The following RPTOR variants were observed in gnomAD, a reference collection of about 807,000 sequenced individuals.
The protein encoded by RPTOR is regulatory associated protein of MTOR complex 1, also known as regulatory-associated protein of mTOR.
Under a neutral mutation model 169.9 loss-of-function variants are expected in RPTOR, and 21 were observed. That is an observed-to-expected ratio of 0.12 (90% CI 0.09 to 0.18). The LOEUF (loss-of-function observed/expected upper bound fraction) is 0.18. Among genes scored for constraint, RPTOR ranks in the 10% least tolerant of loss-of-function variants. The probability of loss-of-function intolerance (pLI) is 1.00; values close to 1 mark genes in which losing one functional copy is unlikely to be tolerated. For missense variants in RPTOR, 1,133 were observed against 1,855.9 expected (o/e 0.61, Z 7.16); for synonymous variants, 732 against 753.2 (o/e 0.97, Z 0.46).
intron 1 of RPTOR, among the ~76,000 whole-genome samples, chr17:80,579,250 A>G (rs924998830): frequency 2.6e-5 from 4 of 151,842 alleles, no homozygotes; most frequent in Admixed American, 2.0e-4. Flanking sequence ...CTGGAGTGCA[A>G]TGGTGCGATC....
At chr17:80,911,020 G>A (rs1038625770) in intron 21 of RPTOR, among the ~76,000 whole-genome samples, 27 of 151,780 alleles carry the variant, frequency 1.8e-4, no homozygotes, top group Admixed American at 4.6e-4. Context: ...TAGGAGAGAC[G>A]AGGGGTTTCA....
intron 3 of RPTOR, among the ~76,000 whole-genome samples, chr17:80,693,348 G>T (rs1325861247): frequency 6.6e-6 from 1 of 152,242 alleles, no homozygotes; most frequent in Non-Finnish European, 1.5e-5. Context: ...TCCCAGCGGA[G>T]ATGGTGTTTC....
At chr17:80,921,973 G>A (rs1452354043) in intron 21 of RPTOR, among the ~76,000 whole-genome samples, 1 of 152,208 alleles carries the variant, frequency 6.6e-6, no homozygotes, top group East Asian at 1.9e-4. Flanking sequence ...AGGATGTTAA[G>A]GGCGGTCTTG....
intron 9 of RPTOR, among the ~76,000 whole-genome samples, chr17:80,830,079 G>C (rs796142985): frequency 6.6e-6 from 1 of 152,148 alleles, no homozygotes; most frequent in African/African-American, 2.4e-5. Context: ...CTAGATCCTC[G>C]TAGGAGAAGA....
At chr17:80,757,745 G>A (rs770381836) in intron 6 of RPTOR, among the ~76,000 whole-genome samples, 2 of 152,018 alleles carry the variant, frequency 1.3e-5, no homozygotes, top group Non-Finnish European at 2.9e-5. Flanking sequence ...CTGAAGAGAC[G>A]GTCTTTTGGG....
intron 13 of RPTOR, among the ~76,000 whole-genome samples, chr17:80,879,046 G>A (rs914189733): frequency 2.0e-5 from 3 of 152,048 alleles, no homozygotes; most frequent in African/African-American, 7.2e-5. Context: ...TCTCATCTTA[G>A]AAGCCTGGCT....
chr17:80,922,838 C>T lies in RPTOR; in HGVS notation c.2624+11C>T, dbSNP rs924244620. Reference sequence around the variant, plus strand: ...CATCCACCAGGCGGGGTAAGTGCCGCCCGCTCAGCCTGCAGGTCCGTGGTG... The same window carrying T: ...CATCCACCAGGCGGGGTAAGTGCCGTCCGCTCAGCCTGCAGGTCCGTGGTG... On this transcript the variant is annotated intron_variant, in intron 22 of 33. Transcript: ENST00000306801. The T allele has an allele frequency of 2.6e-6, 4 of 1,547,094 alleles. No individual in the cohort carries two copies. Among genetic ancestry groups the T allele is most frequent in the Non-Finnish European group, 2.6e-6 (3 of 1,151,474 alleles).
intron 20 of RPTOR, among the ~76,000 whole-genome samples, chr17:80,895,745 G>C (rs577913881): frequency 3.9e-5 from 6 of 152,142 alleles, no homozygotes; most frequent in African/African-American, 9.7e-5. Flanking sequence ...CCCCCATCTC[G>C]CCACTCTCTA....
At chr17:80,918,671 C>T (rs1338501894) in intron 21 of RPTOR, among the ~76,000 whole-genome samples, 1 of 152,194 alleles carries the variant, frequency 6.6e-6, no homozygotes, top group African/African-American at 2.4e-5. Flanking sequence ...CCAGTGACTT[C>T]ATGCCTCTCA....
rs745996518 is a variant in RPTOR at position 80,710,567 on chromosome 17, TTGTATGTG to T, written c.507+2572_507+2579del. ...ATGTTGATTTGCCTCCCTTGGTTAT[TTGTATGTG>T]TGTGTGTGTGTGTGTGTGTGTGTGT... is the stretch of plus-strand genomic sequence containing the variant. On this transcript the variant is annotated intron_variant, in intron 4 of 33. Coordinates refer to ENST00000306801, the MANE Select transcript of RPTOR (RefSeq NM_020761.3). Among the ~76,000 whole-genome samples the T allele has an allele frequency of 1.3e-3, 148 of 110,652 alleles. 1 individual carries two copies. The highest frequency in any genetic ancestry group is 3.5e-3 in the Admixed American group (34 of 9,792). 72.6% of individuals were successfully genotyped at this position (110,652 alleles called of 152,430 possible).
chr17:80,561,397 C>T (rs1057444706), intron 1 of RPTOR, among the ~76,000 whole-genome samples: 9 of 150,978 alleles, frequency 6.0e-5, no homozygotes, highest in East Asian at 1.9e-4. Context: ...GCATGAGCCA[C>T]GCACCCAGCC....
At chr17:80,680,188 C>T (rs1481935741) in intron 3 of RPTOR, among the ~76,000 whole-genome samples, 1 of 152,254 alleles carries the variant, frequency 6.6e-6, no homozygotes, top group Non-Finnish European at 1.5e-5. Flanking sequence ...GAACTCCAGC[C>T]CTGCACCTCA....
intron 17 of RPTOR, among the ~76,000 whole-genome samples, chr17:80,889,950 CGGCCTCCG>C (rs2068298279): frequency 1.2e-5 from 1 of 86,380 alleles, no homozygotes; most frequent in African/African-American, 3.6e-5. Context: ...GCAGGATGTG[CGGCCTCCG>C]AGGGAGGCCC....
chr17:80,753,587 C>T (rs923759568), intron 5 of RPTOR, among the ~76,000 whole-genome samples: 2 of 144,428 alleles, frequency 1.4e-5, no homozygotes, highest in South Asian at 2.2e-4. Flanking sequence ...GAGTCGAGAT[C>T]GCGCCACTGC....
Position 80,806,944 on chromosome 17 carries a change from C to T in RPTOR, c.891-15257C>T, listed in dbSNP as rs989715619. Among the ~76,000 whole-genome samples the T allele has an allele frequency of 3.3e-5, 5 of 152,182 alleles. No individual in the cohort carries two copies. In the South Asian group the frequency reaches 1.0e-3, roughly 32 times the overall value. On this transcript the variant is annotated intron_variant, in intron 7 of 33. Coordinates refer to ENST00000306801, the MANE Select transcript of RPTOR (RefSeq NM_020761.3). ...TCCCTTTTGACCACATGCATTAACC[C>T]TCAGAACTGAAGAAGGCCAGATTAA... is the stretch of plus-strand genomic sequence containing the variant.
At chr17:80,755,387 G>T (rs187211022) in intron 6 of RPTOR, among the ~76,000 whole-genome samples, 2 of 152,002 alleles carry the variant, frequency 1.3e-5, no homozygotes, top group African/African-American at 2.4e-5. Context: ...GATCCCTTGA[G>T]CGCGGGAGTT....
intron 1 of RPTOR, among the ~76,000 whole-genome samples, chr17:80,601,263 A>G (rs996718005): frequency 6.9e-5 from 1 of 14,592 alleles, no homozygotes; most frequent in Non-Finnish European, 1.7e-4. Flanking sequence ...GAGGACCCGG[A>G]CATTGTGGAG....
intron 11 of RPTOR, 68 bp downstream of exon 11, chr17:80,846,642 C>A: frequency 7.7e-7 from 1 of 1,300,896 alleles, no homozygotes; most frequent in Non-Finnish European, 1.1e-6. Flanking sequence ...CCTGTACAGC[C>A]CCGGGAGTGC....
At chr17:80,644,592 G>A (rs553030909) in intron 3 of RPTOR, among the ~76,000 whole-genome samples, 1 of 152,294 alleles carries the variant, frequency 6.6e-6, no homozygotes, top group Non-Finnish European at 1.5e-5. Context: ...TTGAGAAGGT[G>A]CGCGTCTCCT....
Sources: gnomAD v4.1 joint callset for allele counts (sites outside exome capture counted in the v4.1 genomes callset) on GRCh38, gnomAD v4.1.1 for gene constraint, MANE v1.5 for transcripts, NCBI Gene and HGNC (gene_info 2026-07-23, HGNC 2026-07-21) for gene names.